Variants in PHF21B observed in about 807,000 individuals in gnomAD.
The protein encoded by PHF21B is PHD finger protein 4.
PHF21B carries 22 observed loss-of-function variants against 62.2 expected under a neutral mutation model. The observed-to-expected ratio is 0.35, with a 90% confidence interval of 0.25 to 0.51. The LOEUF is 0.51. Ranked by LOEUF, PHF21B falls within the 20% of genes least tolerant of loss-of-function variation. The pLI is 0.97. For synonymous variants in PHF21B, 341 were observed against 314.7 expected (o/e 1.08, Z -0.88); for missense variants, 701 against 707.9 (o/e 0.99, Z 0.11).
At chr22:44,949,318 A>AAG (rs1555948338) in intron 2 of PHF21B, among the ~76,000 whole-genome samples, 22 of 144,862 alleles carry the variant, frequency 1.5e-4, no homozygotes, top group African/African-American at 2.7e-4. Context: ...AAGAAAAAAA[A>AAG]AAAAAAAGAA....
intron 2 of PHF21B, among the ~76,000 whole-genome samples, chr22:44,962,924 C>T (rs1176839695): frequency 6.6e-6 from 1 of 152,192 alleles, no homozygotes; most frequent in East Asian, 1.9e-4. Flanking sequence ...TTTTCTCTTC[C>T]AAGCACCATG....
intron 2 of PHF21B, among the ~76,000 whole-genome samples, chr22:45,000,142 A>C (rs1311942935): frequency 6.6e-6 from 1 of 152,084 alleles, no homozygotes; most frequent in Non-Finnish European, 1.5e-5. Flanking sequence ...CAGTCTGTCC[A>C]GTTTTAAAGC....
chr22:44,893,677 AGGGT>A, intron 6 of PHF21B, 144 bp from the exon 7 acceptor site: 1 of 735,846 alleles, frequency 1.4e-6, no homozygotes, highest in Non-Finnish European at 2.3e-6. Flanking sequence ...AGAATGGCCC[AGGGT>A]GGGTTAGGGC....
intron 12 of PHF21B, 92 bp from the exon 13 acceptor site, chr22:44,883,396 T>A: frequency 8.4e-7 from 1 of 1,184,058 alleles, no homozygotes; most frequent in Non-Finnish European, 1.2e-6. Flanking sequence ...TCCCCTCCAC[T>A]ACAAAGGCCT....
intron 5 of PHF21B, among the ~76,000 whole-genome samples, chr22:44,909,062 T>G (rs1459685134): frequency 6.6e-6 from 1 of 152,222 alleles, no homozygotes. Context: ...CCTCCCAAAG[T>G]GCCAGGATTA....
At chr22:45,001,636 C>T (rs1400233689) in intron 2 of PHF21B, among the ~76,000 whole-genome samples, 3 of 152,210 alleles carry the variant, frequency 2.0e-5, no homozygotes, top group Non-Finnish European at 2.9e-5. Context: ...GAGATGTCAC[C>T]GTCACTCACA....
intron 2 of PHF21B, among the ~76,000 whole-genome samples, chr22:44,950,009 T>A (rs2072161681): frequency 6.6e-6 from 1 of 152,216 alleles, no homozygotes. Flanking sequence ...TGGACTCACA[T>A]TCAGAAGTGA....
intron 2 of PHF21B, among the ~76,000 whole-genome samples, chr22:44,928,306 C>G (rs2071673008): frequency 1.3e-5 from 2 of 152,212 alleles, no homozygotes; most frequent in Non-Finnish European, 2.9e-5. Context: ...CCCTGACTGT[C>G]CCATTGGTTA....
At chr22:44,978,171 G>A (rs80200115) in intron 2 of PHF21B, among the ~76,000 whole-genome samples, 7,250 of 152,092 alleles carry the variant, frequency 0.048, 231 homozygotes, top group South Asian at 0.16. Context: ...TGGGATCTCC[G>A]GTTTGCAGGA....
chr22:44,929,839 C>T (rs917841748), intron 2 of PHF21B, among the ~76,000 whole-genome samples: 1 of 152,132 alleles, frequency 6.6e-6, no homozygotes, highest in African/African-American at 2.4e-5. Flanking sequence ...GCCTGAGGGA[C>T]CCACAGAGAT....
intron 2 of PHF21B, among the ~76,000 whole-genome samples, chr22:44,935,787 T>C (rs1452778481): frequency 6.6e-6 from 1 of 152,182 alleles, no homozygotes; most frequent in Non-Finnish European, 1.5e-5. Flanking sequence ...AAGATGGAGA[T>C]GTTGATGCCA....
At chr22:44,969,883 C>T (rs1044336127) in intron 2 of PHF21B, among the ~76,000 whole-genome samples, 7 of 152,134 alleles carry the variant, frequency 4.6e-5, no homozygotes, top group African/African-American at 1.7e-4. Flanking sequence ...AGTAACTGGC[C>T]CAAGGACATC....
intron 2 of PHF21B, among the ~76,000 whole-genome samples, chr22:44,945,588 C>T (rs1487617997): frequency 1.3e-5 from 2 of 152,150 alleles, no homozygotes; most frequent in Non-Finnish European, 2.9e-5. Flanking sequence ...AGATCCCCTG[C>T]ACCTGGGCTG....
rs1347380368 is a variant in PHF21B, at chr22:44,937,693, C to A, written c.121-17203G>T. Among the ~76,000 whole-genome samples the A allele has an allele frequency of 2.6e-5, 4 of 152,252 alleles. No individual in the cohort carries two copies. In the East Asian group the frequency reaches 7.7e-4, roughly 29 times the overall value. ...GGAAAACAACTCAAATGTCCATCAACTGGTGAGTGGGCAAACCTACTGTGG... is the reference window on the plus strand; with the variant it reads ...GGAAAACAACTCAAATGTCCATCAAATGGTGAGTGGGCAAACCTACTGTGG... On this transcript the variant is annotated intron_variant, in intron 2 of 12. Transcript: ENST00000313237.
At chr22:44,907,769 A>C (rs1458879408) in intron 5 of PHF21B, among the ~76,000 whole-genome samples, 1 of 152,230 alleles carries the variant, frequency 6.6e-6, no homozygotes, top group Non-Finnish European at 1.5e-5. Context: ...AGGAGACAGG[A>C]CAGCAAACCT....
chr22:45,000,155 G>C lies in PHF21B; in HGVS notation c.120+8390C>G, dbSNP rs534619809. On this transcript the variant is annotated intron_variant, in intron 2 of 12. Transcript: ENST00000313237. Reference sequence around the variant, plus strand: ...TCCAGTCTGTCCAGTTTTAAAGCCTGCACTGTAAATCACTTTGTCACACGC... The same window carrying C: ...TCCAGTCTGTCCAGTTTTAAAGCCTCCACTGTAAATCACTTTGTCACACGC... Among the ~76,000 whole-genome samples the C allele has an allele frequency of 3.3e-5, 5 of 152,240 alleles. No individual in the cohort carries two copies. In the South Asian group the frequency reaches 6.3e-4, roughly 19 times the overall value.
At chr22:44,893,170 G>A (rs1188282623) in intron 7 of PHF21B, among the ~76,000 whole-genome samples, 1 of 152,196 alleles carries the variant, frequency 6.6e-6, no homozygotes, top group East Asian at 1.9e-4. Context: ...GATCATTCAG[G>A]GTGAAGAGGC....
At chr22:44,886,067 G>C in intron 10 of PHF21B, 129 bp from the exon 11 acceptor site, 1 of 774,730 alleles carries the variant, frequency 1.3e-6, no homozygotes, top group Non-Finnish European at 2.1e-6. Context: ...CCGTGACCAG[G>C]AGCTGGGGCC....
chr22:44,979,240 G>A (rs2072793470), intron 2 of PHF21B, among the ~76,000 whole-genome samples: 1 of 152,228 alleles, frequency 6.6e-6, no homozygotes, highest in African/African-American at 2.4e-5. Flanking sequence ...GTGCCATCTG[G>A]GGGCTGCCTC....
Sources: gnomAD v4.1 joint callset for allele counts (sites outside exome capture counted in the v4.1 genomes callset) on GRCh38, gnomAD v4.1.1 for gene constraint, MANE v1.5 for transcripts, NCBI Gene and HGNC (gene_info 2026-07-23, HGNC 2026-07-21) for gene names.